SLC35F1: variants seen among roughly 807,000 people sequenced by gnomAD.
SLC35F1 encodes the protein chromosome 6 open reading frame 169.
Under a neutral mutation model 48.7 loss-of-function variants are expected in SLC35F1, and 14 were observed. That is an observed-to-expected ratio of 0.29 (90% CI 0.19 to 0.45). The LOEUF is 0.45. SLC35F1 is among the 20% of genes least tolerant of loss of function. The probability of loss-of-function intolerance (pLI) is 1.00; values close to 1 mark genes in which losing one functional copy is unlikely to be tolerated. For synonymous variants in SLC35F1, 190 were observed against 202.2 expected (o/e 0.94, Z 0.51); for missense variants, 404 against 500.0 (o/e 0.81, Z 1.83).
chr6:118,284,191 G>A (rs543736738), intron 6 of SLC35F1, among the ~76,000 whole-genome samples: 32 of 152,290 alleles, frequency 2.1e-4, no homozygotes, highest in African/African-American at 7.2e-4. Context: ...CCCTAAGTCA[G>A]AGGAAGCAAA....
chr6:118,147,838 T>C (rs1773998418), intron 1 of SLC35F1, among the ~76,000 whole-genome samples: 1 of 152,166 alleles, frequency 6.6e-6, no homozygotes. Flanking sequence ...ACAAAATGGA[T>C]ACCATGGAGC....
At chr6:117,949,037 G>A (rs1179617514) in intron 1 of SLC35F1, among the ~76,000 whole-genome samples, 1 of 152,076 alleles carries the variant, frequency 6.6e-6, no homozygotes, top group Non-Finnish European at 1.5e-5. Context: ...CCCAAGCGGG[G>A]TGCTATTCAT....
chr6:117,909,138 A>G (rs983350550), intron 1 of SLC35F1, among the ~76,000 whole-genome samples: 28 of 152,218 alleles, frequency 1.8e-4, no homozygotes, highest in African/African-American at 6.8e-4. Flanking sequence ...ACAGAAAGAA[A>G]TTCACTCTGA....
At chr6:118,164,469 A>C (rs1408060676) in intron 2 of SLC35F1, among the ~76,000 whole-genome samples, 2 of 152,174 alleles carry the variant, frequency 1.3e-5, no homozygotes, top group African/African-American at 4.8e-5. Flanking sequence ...ATTCAGTCAA[A>C]ATTCAAGAGT....
chr6:117,968,064 G>T (rs1776593261), intron 1 of SLC35F1, among the ~76,000 whole-genome samples: 1 of 152,108 alleles, frequency 6.6e-6, no homozygotes, highest in Non-Finnish European at 1.5e-5. Flanking sequence ...ATAATTAGGT[G>T]TTTATGTGAA....
chr6:118,172,821 G>A (rs1774426340), intron 2 of SLC35F1, among the ~76,000 whole-genome samples: 1 of 152,056 alleles, frequency 6.6e-6, no homozygotes, highest in African/African-American at 2.4e-5. Flanking sequence ...TTTAGGGCTG[G>A]CTATTCATTT....
At chr6:118,279,005 A>G (rs1471202464) in intron 6 of SLC35F1, among the ~76,000 whole-genome samples, 1 of 152,218 alleles carries the variant, frequency 6.6e-6, no homozygotes, top group African/African-American at 2.4e-5. Context: ...ATAGTTGAAG[A>G]TGATGAAGGA....
At chr6:118,010,889 A>G (rs1391074722) in intron 1 of SLC35F1, among the ~76,000 whole-genome samples, 1 of 152,192 alleles carries the variant, frequency 6.6e-6, no homozygotes, top group Admixed American at 6.5e-5. Flanking sequence ...TCTCTCACAC[A>G]GAGACAACCA....
At chr6:118,168,265 A>G (rs947580818) in intron 2 of SLC35F1, among the ~76,000 whole-genome samples, 17 of 152,126 alleles carry the variant, frequency 1.1e-4, no homozygotes, top group African/African-American at 3.6e-4. Context: ...CCAGAAGGCT[A>G]TTTTGATAAA....
chr6:118,069,740 T>C (rs1772670674), intron 1 of SLC35F1, among the ~76,000 whole-genome samples: 1 of 152,214 alleles, frequency 6.6e-6, no homozygotes, highest in African/African-American at 2.4e-5. Context: ...AATGGTTTGC[T>C]CAGTGTTAAG....
At chr6:118,025,334 G>A (rs1253621979) in intron 1 of SLC35F1, among the ~76,000 whole-genome samples, 1 of 152,186 alleles carries the variant, frequency 6.6e-6, no homozygotes, top group Non-Finnish European at 1.5e-5. Flanking sequence ...ATTAGACTGA[G>A]TTTATGTGTT....
At chr6:118,202,506 T>G (rs138039372) in intron 2 of SLC35F1, among the ~76,000 whole-genome samples, 107 of 152,174 alleles carry the variant, frequency 7.0e-4, no homozygotes, top group African/African-American at 2.5e-3. Flanking sequence ...CAAAATAAAA[T>G]AAAAGAAAAT....
chr6:118,111,750 A>G (rs1020953777), intron 1 of SLC35F1, among the ~76,000 whole-genome samples: 9 of 152,218 alleles, frequency 5.9e-5, no homozygotes, highest in African/African-American at 1.9e-4. Context: ...GAGAAACAAT[A>G]TATTGGGTGA....
chr6:118,132,449 AT>A (rs1258165541), intron 1 of SLC35F1, among the ~76,000 whole-genome samples: 1 of 152,182 alleles, frequency 6.6e-6, no homozygotes, highest in Non-Finnish European at 1.5e-5. Flanking sequence ...TGACTATGTG[AT>A]CTTGGGCAAG....
chr6:118,065,451 A>G (rs1772598775), intron 1 of SLC35F1, among the ~76,000 whole-genome samples: 1 of 152,190 alleles, frequency 6.6e-6, no homozygotes, highest in African/African-American at 2.4e-5. Flanking sequence ...AATATAAAGT[A>G]GAAAACTGTA....
chr6:118,039,799 G>GTTTT (rs149879230), intron 1 of SLC35F1, among the ~76,000 whole-genome samples: 23,894 of 101,528 alleles, frequency 0.24, 4,950 homozygotes, highest in Non-Finnish European at 0.34. Context: ...TCTCAGGATT[G>GTTTT]TTTTTTTTGT....
intron 1 of SLC35F1, among the ~76,000 whole-genome samples, chr6:118,070,163 A>AAAAG (rs1554226037): frequency 1.3e-5 from 2 of 151,038 alleles, no homozygotes; most frequent in East Asian, 3.9e-4. Flanking sequence ...AAAAAAAAAA[A>AAAAG]GAATGTTCAT....
At chr6:117,997,355 A>G (rs1198113794) in intron 1 of SLC35F1, among the ~76,000 whole-genome samples, 4 of 151,988 alleles carry the variant, frequency 2.6e-5, no homozygotes, top group Admixed American at 1.3e-4. Context: ...ACTCTGCAGG[A>G]TATTATCCAG....
intron 7 of SLC35F1, among the ~76,000 whole-genome samples, chr6:118,292,629 T>C (rs976628904): frequency 6.6e-6 from 1 of 152,056 alleles, no homozygotes; most frequent in Admixed American, 6.5e-5. Context: ...ATGTTGCTTA[T>C]CCACGCAGAA....
Sources: allele counts gnomAD v4.1 joint callset (sites outside exome capture counted in the v4.1 genomes callset), GRCh38; gene constraint gnomAD v4.1.1; transcripts MANE v1.5; gene names NCBI Gene and HGNC (gene_info 2026-07-23, HGNC 2026-07-21).